Variants in CAMK4 observed in about 807,000 individuals in gnomAD.
CAMK4 encodes the protein calcium/calmodulin-dependent protein kinase type IV.
CAMK4 carries 22 observed loss-of-function variants against 44.9 expected under a neutral mutation model. The ratio of observed to expected loss-of-function variants is 0.49; its 90% CI spans 0.35 to 0.70. CAMK4 has a LOEUF of 0.70. CAMK4 is among the 30% of genes least tolerant of loss of function. The pLI, the probability that CAMK4 is intolerant of heterozygous loss-of-function variation, is 0.01. For synonymous variants in CAMK4, 218 were observed against 215.4 expected, an observed-to-expected ratio of 1.01 and a Z score of -0.11; for missense variants, 498 against 586.8, an observed-to-expected ratio of 0.85 and a Z score of 1.56.
Position 111,233,884 on chromosome 5 carries a change from A to C in CAMK4, c.161+9240A>C, listed in dbSNP as rs550633833. ...CAGCCACTCATATTTCGACTATAGC[A>C]GAGGTCTATAAGGTGGGATGCCCGT... is the stretch of plus-strand genomic sequence containing the variant. On this transcript the variant is annotated intron_variant, in intron 1 of 10. Coordinates refer to ENST00000282356, the MANE Select transcript of CAMK4 (RefSeq NM_001744.6). Among the ~76,000 whole-genome samples, 10 of 152,326 alleles carry C rather than the reference A, an allele frequency of 6.6e-5. No individual in the cohort carries two copies. The East Asian group carries it at 1.7e-3, about 26-fold the overall frequency.
chr5:111,434,532 C>T (rs1365753976), intron 5 of CAMK4, among the ~76,000 whole-genome samples: 4 of 152,208 alleles, frequency 2.6e-5, no homozygotes, highest in African/African-American at 9.7e-5. Flanking sequence ...TCCTGGGATG[C>T]TCCATGGATC....
In CAMK4 at chr5:111,224,955, T is replaced by C. The variant is rs937872102; in HGVS notation, c.161+311T>C. The stretch of plus-strand genomic sequence containing the variant: ...GTGGGCCCTGCTTTCCCAATTGATA[T>C]CTTTGCTCACGATTATAGCTTGCCA... On this transcript the variant is annotated intron_variant, in intron 1 of 10. Transcript: ENST00000282356. This position sits in a 1 kb window ranked among gnomAD's most constrained non-coding sequence, Gnocchi z 5.7. 7.9e-5 allele frequency among the ~76,000 whole-genome samples: 12 copies of C among 151,962 alleles called. No individual in the cohort carries two copies. The highest frequency in any genetic ancestry group is 1.9e-4 in the African/African-American group (8 of 41,394).
intron 2 of CAMK4, among the ~76,000 whole-genome samples, chr5:111,349,303 G>A (rs1057036081): frequency 6.6e-6 from 1 of 151,982 alleles, no homozygotes; most frequent in Non-Finnish European, 1.5e-5. Context: ...TGTAAAGCAT[G>A]AATCAAGGGT....
At chr5:111,466,307 T>G (rs1049664815) in intron 7 of CAMK4, among the ~76,000 whole-genome samples, 16 of 152,176 alleles carry the variant, frequency 1.1e-4, no homozygotes, top group Non-Finnish European at 2.4e-4. Flanking sequence ...AGATGCCCAC[T>G]GTCACAACTT....
At chr5:111,384,753 G>A (rs988333077) in intron 4 of CAMK4, among the ~76,000 whole-genome samples, 1 of 151,972 alleles carries the variant, frequency 6.6e-6, no homozygotes, top group Non-Finnish European at 1.5e-5. Flanking sequence ...CCTTTGCATT[G>A]TTTCCCATTG....
At chr5:111,407,645 T>A (rs975857809) in intron 5 of CAMK4, among the ~76,000 whole-genome samples, 12 of 152,182 alleles carry the variant, frequency 7.9e-5, no homozygotes, top group African/African-American at 2.2e-4. Context: ...TTTACCCTAA[T>A]TGACAATTTG....
intron 2 of CAMK4, among the ~76,000 whole-genome samples, chr5:111,350,662 G>A (rs755860623): frequency 6.6e-5 from 10 of 151,930 alleles, no homozygotes; most frequent in Admixed American, 2.6e-4. Context: ...GTATATTTTA[G>A]TTATTATAAT....
chr5:111,319,147 C>G (rs1748554935), intron 1 of CAMK4, among the ~76,000 whole-genome samples: 1 of 152,192 alleles, frequency 6.6e-6, no homozygotes, highest in African/African-American at 2.4e-5. Flanking sequence ...ACACAATTAA[C>G]TACAATTCAA....
At chr5:111,406,372 C>T (rs562167681) in intron 5 of CAMK4, among the ~76,000 whole-genome samples, 2 of 151,878 alleles carry the variant, frequency 1.3e-5, no homozygotes, top group African/African-American at 2.4e-5. Flanking sequence ...TACAGGTGCC[C>T]GCCACCATGC....
intron 5 of CAMK4, among the ~76,000 whole-genome samples, chr5:111,410,112 G>A (rs953800698): frequency 2.1e-4 from 32 of 152,132 alleles, no homozygotes; most frequent in African/African-American, 7.2e-4. Flanking sequence ...TTACAGAAGT[G>A]CCCTTCTACC....
chr5:111,389,217 G>A (rs1400779647), intron 4 of CAMK4, among the ~76,000 whole-genome samples: 1 of 151,952 alleles, frequency 6.6e-6, no homozygotes, highest in African/African-American at 2.4e-5. Flanking sequence ...AGCTTTCTAG[G>A]GTGTCTTTTA....
chr5:111,388,140 G>A (rs1397468642), intron 4 of CAMK4, among the ~76,000 whole-genome samples: 1 of 152,126 alleles, frequency 6.6e-6, no homozygotes, highest in Non-Finnish European at 1.5e-5. Flanking sequence ...AGAAGTGGTC[G>A]AAGGGTGATG....
intron 8 of CAMK4, among the ~76,000 whole-genome samples, chr5:111,476,030 T>C (rs879671835): frequency 6.6e-6 from 1 of 152,206 alleles, no homozygotes; most frequent in Non-Finnish European, 1.5e-5. Flanking sequence ...CGTTATAAGC[T>C]TCAGTCAGAT....
intron 1 of CAMK4, among the ~76,000 whole-genome samples, chr5:111,316,817 G>A (rs1748444596): frequency 1.3e-5 from 2 of 152,126 alleles, no homozygotes; most frequent in African/African-American, 4.8e-5. Context: ...AATAGGAATA[G>A]CAACATTCTA....
At chr5:111,261,881 T>C (rs1481939329) in intron 1 of CAMK4, among the ~76,000 whole-genome samples, 1 of 152,152 alleles carries the variant, frequency 6.6e-6, no homozygotes, top group African/African-American at 2.4e-5. Flanking sequence ...AAGTATTTTT[T>C]TTTCCTCTTT....
At chr5:111,446,080 T>A (rs1754018124) in intron 5 of CAMK4, among the ~76,000 whole-genome samples, 1 of 152,240 alleles carries the variant, frequency 6.6e-6, no homozygotes, top group South Asian at 2.1e-4. Flanking sequence ...CTAGATGTGA[T>A]CTTTGAGATT....
At chr5:111,266,351 A>G (rs1750246120) in intron 1 of CAMK4, among the ~76,000 whole-genome samples, 1 of 152,026 alleles carries the variant, frequency 6.6e-6, no homozygotes, top group Admixed American at 6.6e-5. Flanking sequence ...TTTCACATTC[A>G]TGAATTCTTT....
chr5:111,452,678 C>T (rs1421685210), intron 7 of CAMK4, among the ~76,000 whole-genome samples: 3 of 151,944 alleles, frequency 2.0e-5, no homozygotes, highest in Non-Finnish European at 2.9e-5. Flanking sequence ...ATAAACAGGC[C>T]CTTCATACAA....
intron 1 of CAMK4, among the ~76,000 whole-genome samples, chr5:111,229,169 G>A (rs956896863): frequency 2.0e-5 from 3 of 152,172 alleles, no homozygotes; most frequent in African/African-American, 7.2e-5. Context: ...TCTTAGACTG[G>A]GTGGCTTAAA....
Sources: allele counts gnomAD v4.1 joint callset (sites outside exome capture counted in the v4.1 genomes callset), GRCh38; gene constraint gnomAD v4.1.1; non-coding constraint Gnocchi (gnomAD v3.1); transcripts MANE v1.5; gene names NCBI Gene and HGNC (gene_info 2026-07-23, HGNC 2026-07-21).